The following CAMKMT variants were observed in gnomAD, a reference collection of about 807,000 sequenced individuals.
CAMKMT encodes the protein calmodulin-lysine N-methyltransferase, also known as CaM KMT.
In CAMKMT, 53 loss-of-function variants were observed where a neutral mutation model predicts 48.0. The observed-to-expected ratio is 1.10, with a 90% CI of 0.89 to 1.39. CAMKMT has a LOEUF of 1.39. Among genes scored for constraint, CAMKMT ranks in the 40% most tolerant of loss-of-function variants. The pLI is 0.00. For synonymous variants in CAMKMT, 165 were observed against 152.3 expected (o/e 1.08, Z -0.61); for missense variants, 428 against 402.7 (o/e 1.06, Z -0.54).
chr2:44,729,049 AC>A (rs999606879), intron 7 of CAMKMT, among the ~76,000 whole-genome samples: 3 of 151,636 alleles, frequency 2.0e-5, no homozygotes, highest in African/African-American at 7.3e-5. Flanking sequence ...TTTCAGTAGT[AC>A]CGGAGAGAGA....
chr2:44,761,792 C>CGT (rs1188367755), intron 9 of CAMKMT, among the ~76,000 whole-genome samples: 3 of 152,024 alleles, frequency 2.0e-5, no homozygotes, highest in Non-Finnish European at 4.4e-5. Context: ...TGAGTGTATG[C>CGT]GTGTGTGTGT....
chr2:44,499,550 A>C (rs1249355437), intron 3 of CAMKMT, among the ~76,000 whole-genome samples: 1 of 152,198 alleles, frequency 6.6e-6, no homozygotes, highest in African/African-American at 2.4e-5. Flanking sequence ...ATGTCTTTTA[A>C]ATTCTTATAG....
intron 3 of CAMKMT, among the ~76,000 whole-genome samples, chr2:44,546,463 C>T (rs951283376): frequency 3.3e-5 from 5 of 152,224 alleles, no homozygotes; most frequent in Admixed American, 1.3e-4. Flanking sequence ...CGATAAATCT[C>T]ATCCCTAAAG....
chr2:44,437,761 G>C (rs1212529081), intron 3 of CAMKMT, among the ~76,000 whole-genome samples: 2 of 149,208 alleles, frequency 1.3e-5, no homozygotes, highest in East Asian at 4.0e-4. Flanking sequence ...TAGGAGGATT[G>C]CTTGAGCCCA....
Position 44,766,490 on chromosome 2 carries a change from G to T in CAMKMT, c.823G>T (p.Ala275Ser). The T allele has an allele frequency of 6.2e-7, 1 of 1,614,138 alleles. No individual in the cohort carries two copies. The highest frequency in any genetic ancestry group is 8.5e-7 in the Non-Finnish European group (1 of 1,180,006). ...TACTTTAAACCAGTTTTGCAATCTAGCTGAAAAAGCTGGTTTCTGTATCCA... is the reference window on the plus strand; with the variant it reads ...TACTTTAAACCAGTTTTGCAATCTATCTGAAAAAGCTGGTTTCTGTATCCA... ...GNTLNQFCNL[A>S]EKAGFCIQRH... is the part of the protein sequence containing the mutation. The change falls in exon 10 of 11, where the codon GCT becomes TCT. Residue 275 changes from alanine (A) to serine (S), a missense_variant. Ala to Ser is a moderately conservative substitution (Grantham distance 99). Transcript: ENST00000378494.
intron 10 of CAMKMT, among the ~76,000 whole-genome samples, chr2:44,767,720 T>C (rs1177810965): frequency 2.0e-5 from 3 of 152,022 alleles, no homozygotes; most frequent in Non-Finnish European, 4.4e-5. Context: ...AATGATGTTT[T>C]CCCCTTTTCA....
intron 3 of CAMKMT, among the ~76,000 whole-genome samples, chr2:44,542,537 A>ACTCT (rs796094902): frequency 8.8e-5 from 6 of 67,884 alleles, no homozygotes; most frequent in African/African-American, 1.8e-4. Context: ...ACACACACAC[A>ACTCT]CTCTCTCTCT....
At chr2:44,483,152 C>G (rs557729151) in intron 3 of CAMKMT, among the ~76,000 whole-genome samples, 18 of 152,292 alleles carry the variant, frequency 1.2e-4, no homozygotes, top group African/African-American at 4.3e-4. Context: ...CTTCAGCCCT[C>G]TCTACTCTCT....
intron 3 of CAMKMT, among the ~76,000 whole-genome samples, chr2:44,614,312 C>A (rs114837901): frequency 0.018 from 2,702 of 152,232 alleles, 89 homozygotes; most frequent in African/African-American, 0.062. Context: ...GTAAGGAACA[C>A]AAAACTGACT....
At position 44,580,243 on chromosome 2, in the gene CAMKMT, A is replaced by AAAAATAAAATAAAATAAAATAAAAT. The variant is rs367927902; in HGVS notation, c.377-124017_377-124016insATAAAATAAAATAAAATAAAATAAA. On this transcript the variant is annotated intron_variant, in intron 3 of 10. Coordinates refer to ENST00000378494, the MANE Select transcript of CAMKMT (RefSeq NM_024766.5). ...GAGAATGAACTAGCAATCAGGGCTC[A>AAAAATAAAATAAAATAAAATAAAAT]AAAATAAAATAAAATAAAATAAAGT... Among the ~76,000 whole-genome samples, 1,165 of 139,842 alleles carry AAAAATAAAATAAAATAAAATAAAAT rather than the reference A, an allele frequency of 8.3e-3. 21 individuals carry two copies. Among genetic ancestry groups the AAAAATAAAATAAAATAAAATAAAAT allele is most frequent in the South Asian group, 0.032 (131 of 4,040 alleles). 91.7% of individuals were successfully genotyped at this position (139,842 alleles called of 152,430 possible). A position where few individuals can be genotyped will look rare whatever the true frequency, so the allele number is the denominator to read the frequency against.
intron 3 of CAMKMT, among the ~76,000 whole-genome samples, chr2:44,454,357 C>A (rs949777219): frequency 8.6e-5 from 13 of 152,032 alleles, no homozygotes; most frequent in Non-Finnish European, 1.9e-4. Flanking sequence ...TCTGGGTGAA[C>A]AAAGTAAGTA....
At chr2:44,659,088 T>G (rs1373963696) in intron 3 of CAMKMT, among the ~76,000 whole-genome samples, 1 of 149,364 alleles carries the variant, frequency 6.7e-6, no homozygotes, top group Non-Finnish European at 1.5e-5. Flanking sequence ...TTTTTTTTTT[T>G]TTTTTTTTTT....
At chr2:44,640,413 C>T (rs1673385985) in intron 3 of CAMKMT, among the ~76,000 whole-genome samples, 1 of 152,176 alleles carries the variant, frequency 6.6e-6, no homozygotes, top group African/African-American at 2.4e-5. Context: ...ATAGGAATGT[C>T]TGTGAATACA....
chr2:44,433,661 C>G (rs138871121), intron 3 of CAMKMT, among the ~76,000 whole-genome samples: 3 of 152,070 alleles, frequency 2.0e-5, no homozygotes, highest in Admixed American at 1.3e-4. Flanking sequence ...TTATACTGAG[C>G]ATGATAATGT....
intron 8 of CAMKMT, among the ~76,000 whole-genome samples, chr2:44,748,848 C>T (rs1019113408): frequency 6.6e-6 from 1 of 152,078 alleles, no homozygotes; most frequent in African/African-American, 2.4e-5. Flanking sequence ...GATATTATTG[C>T]CTCACTAAGG....
At chr2:44,592,141 C>G (rs1473087146) in intron 3 of CAMKMT, among the ~76,000 whole-genome samples, 1 of 151,886 alleles carries the variant, frequency 6.6e-6, no homozygotes, top group Non-Finnish European at 1.5e-5. Flanking sequence ...TGCAGCACAC[C>G]AGCATGGCAC....
intron 7 of CAMKMT, among the ~76,000 whole-genome samples, chr2:44,730,875 C>T (rs970477933): frequency 6.6e-6 from 1 of 152,210 alleles, no homozygotes; most frequent in African/African-American, 2.4e-5. Context: ...TACTGGAATC[C>T]TCTGTAAAGA....
chr2:44,453,854 T>A (rs1489849220), intron 3 of CAMKMT, among the ~76,000 whole-genome samples: 1 of 152,042 alleles, frequency 6.6e-6, no homozygotes, highest in Non-Finnish European at 1.5e-5. Context: ...GACTATAAGA[T>A]TAAGAGGTGT....
At chr2:44,447,293 T>C (rs1168772388) in intron 3 of CAMKMT, among the ~76,000 whole-genome samples, 1 of 152,234 alleles carries the variant, frequency 6.6e-6, no homozygotes, top group East Asian at 1.9e-4. Context: ...GAATAGTTGA[T>C]TTCCTTTTAT....
Sources: gnomAD v4.1 joint callset for allele counts (sites outside exome capture counted in the v4.1 genomes callset) on GRCh38, gnomAD v4.1.1 for gene constraint, MANE v1.5 for transcripts, NCBI Gene and HGNC (gene_info 2026-07-23, HGNC 2026-07-21) for gene names.